The following RIT2 variants were observed in gnomAD, a reference collection of about 807,000 sequenced individuals.
RIT2 encodes the protein Ras like without CAAX 2.
A neutral mutation model predicts 23.7 loss-of-function variants in RIT2; 24 were observed. The ratio of observed to expected loss-of-function variants is 1.01; its 90% CI spans 0.73 to 1.43. The LOEUF is 1.43. Among genes scored for constraint, RIT2 ranks in the 40% most tolerant of loss-of-function variants. The pLI is 0.00. For synonymous variants in RIT2, 107 were observed against 91.1 expected (o/e 1.17, Z -0.99); for missense variants, 236 against 266.9 (o/e 0.88, Z 0.81).
rs142708065 is a variant in RIT2 at position 42,995,520 on chromosome 18, G to A, written c.161-21373C>T. On this transcript the variant is annotated intron_variant, in intron 2 of 4. Transcript: ENST00000326695. ...CCTCTATATAGTCCTATAGCAGACC[G>A]GCCTTTATTAGTCAAATCAGTCAAG... 6.2e-3 allele frequency among the ~76,000 whole-genome samples: 947 copies of A among 152,162 alleles called. 13 individuals carry two copies. The highest frequency in any genetic ancestry group is 0.022 in the African/African-American group (911 of 41,520).
chr18:43,070,301 G>A (rs1912868921), intron 1 of RIT2, among the ~76,000 whole-genome samples: 1 of 152,140 alleles, frequency 6.6e-6, no homozygotes, highest in Non-Finnish European at 1.5e-5. Flanking sequence ...AGAATGTAAA[G>A]GAAAGCTATA....
At chr18:42,825,743 T>G (rs1320185392) in intron 4 of RIT2, among the ~76,000 whole-genome samples, 1 of 151,824 alleles carries the variant, frequency 6.6e-6, no homozygotes, top group Non-Finnish European at 1.5e-5. Context: ...CTAGGAAAAA[T>G]TATAATAGGT....
At chr18:43,083,759 A>G (rs369241810) in intron 1 of RIT2, among the ~76,000 whole-genome samples, 10 of 152,172 alleles carry the variant, frequency 6.6e-5, no homozygotes, top group African/African-American at 2.2e-4. Flanking sequence ...AATTAAATAT[A>G]AAACCTAAAA....
chr18:43,011,963 G>C (rs1481185352), intron 2 of RIT2, among the ~76,000 whole-genome samples: 1 of 151,846 alleles, frequency 6.6e-6, no homozygotes, highest in Non-Finnish European at 1.5e-5. Flanking sequence ...AATATGGTAA[G>C]ATATTTAAGG....
chr18:42,960,742 G>A (rs1206269349), intron 3 of RIT2, among the ~76,000 whole-genome samples: 5 of 152,160 alleles, frequency 3.3e-5, no homozygotes, highest in Non-Finnish European at 7.3e-5. Flanking sequence ...CATCAATAAT[G>A]TAGGCTAGCA....
chr18:42,875,758 A>G (rs2144070426), intron 4 of RIT2, among the ~76,000 whole-genome samples: 1 of 152,118 alleles, frequency 6.6e-6, no homozygotes, highest in South Asian at 2.1e-4. Context: ...CTCCACCCAA[A>G]TCTTTCTATC....
intron 4 of RIT2, among the ~76,000 whole-genome samples, chr18:42,901,486 C>T (rs1014238762): frequency 6.6e-6 from 1 of 151,896 alleles, no homozygotes; most frequent in Non-Finnish European, 1.5e-5. Flanking sequence ...TTTGAGCTTG[C>T]AAGCAAAAAT....
At chr18:43,052,086 T>G (rs2144310716) in intron 1 of RIT2, among the ~76,000 whole-genome samples, 1 of 152,248 alleles carries the variant, frequency 6.6e-6, no homozygotes, top group African/African-American at 2.4e-5. Context: ...CTCATGAATA[T>G]ACTTTAAGCT....
chr18:42,781,437 C>T (rs1011943919), intron 4 of RIT2, among the ~76,000 whole-genome samples: 5 of 152,028 alleles, frequency 3.3e-5, no homozygotes, highest in African/African-American at 1.2e-4. Context: ...GAGAGAAAAC[C>T]TAAGAGCTGC....
At chr18:42,924,679 T>C (rs1210163277) in intron 3 of RIT2, among the ~76,000 whole-genome samples, 1 of 152,094 alleles carries the variant, frequency 6.6e-6, no homozygotes, top group East Asian at 1.9e-4. Context: ...GTTTGTGCTA[T>C]AAGTAATCAA....
chr18:42,883,639 T>C (rs1302306557), intron 4 of RIT2, among the ~76,000 whole-genome samples: 1 of 152,226 alleles, frequency 6.6e-6, no homozygotes, highest in Non-Finnish European at 1.5e-5. Flanking sequence ...TTTGTGATTA[T>C]GTAAATAATC....
At chr18:42,751,445 T>C (rs966162203) in intron 4 of RIT2, among the ~76,000 whole-genome samples, 2 of 151,878 alleles carry the variant, frequency 1.3e-5, no homozygotes, top group Non-Finnish European at 2.9e-5. Context: ...AATCAATCAT[T>C]AGGGACATCA....
At chr18:42,747,155 A>G (rs962543346) in intron 4 of RIT2, among the ~76,000 whole-genome samples, 5 of 152,040 alleles carry the variant, frequency 3.3e-5, no homozygotes, top group African/African-American at 1.2e-4. Context: ...AGAAAACCCT[A>G]AAGACTCTTC....
chr18:42,884,358 CA>C, intron 4 of RIT2, among the ~76,000 whole-genome samples: 1 of 152,274 alleles, frequency 6.6e-6, no homozygotes, highest in South Asian at 2.1e-4. Context: ...ATGACAAACC[CA>C]AGACAATACC....
intron 4 of RIT2, among the ~76,000 whole-genome samples, chr18:42,745,933 T>C (rs1041275984): frequency 4.6e-5 from 7 of 152,186 alleles, no homozygotes; most frequent in South Asian, 2.1e-4. Context: ...CTTATATTAA[T>C]ACAGCCTAAA....
At chr18:42,760,735 T>C (rs750093016) in intron 4 of RIT2, among the ~76,000 whole-genome samples, 1 of 152,240 alleles carries the variant, frequency 6.6e-6, no homozygotes, top group South Asian at 2.1e-4. Flanking sequence ...ATGATTGATA[T>C]AATAAACAGA....
intron 2 of RIT2, among the ~76,000 whole-genome samples, chr18:43,018,690 T>C (rs1911530118): frequency 6.6e-6 from 1 of 151,814 alleles, no homozygotes; most frequent in Non-Finnish European, 1.5e-5. Context: ...CAGCCAATAA[T>C]AAAATACTAA....
chr18:42,965,711 C>CTTTTTTATTT (rs1910202987), intron 3 of RIT2, among the ~76,000 whole-genome samples: 1 of 37,770 alleles, frequency 2.6e-5, no homozygotes, highest in Non-Finnish European at 5.3e-5. Context: ...GTACTGATGG[C>CTTTTTTATTT]TTTTTTTTTT....
Position 43,061,681 on chromosome 18 carries a change from A to G in RIT2, c.104-27814T>C, listed in dbSNP as rs76487599. Among the ~76,000 whole-genome samples, 569 of 152,118 alleles carry G rather than the reference A, an allele frequency of 3.7e-3. 16 individuals are homozygous for G. In the East Asian group the frequency reaches 0.095, roughly 25 times the overall value. On this transcript the variant is annotated intron_variant, in intron 1 of 4. Coordinates refer to ENST00000326695, the MANE Select transcript of RIT2 (RefSeq NM_002930.4). ...TTTTTCCAAGACCGTCCACAGACCA[A>G]TCAGCAAGTAGTCCCCCATTCTAAG...
Sources: allele counts gnomAD v4.1 joint callset (sites outside exome capture counted in the v4.1 genomes callset), GRCh38; gene constraint gnomAD v4.1.1; transcripts MANE v1.5; gene names NCBI Gene and HGNC (gene_info 2026-07-23, HGNC 2026-07-21).